The following DDX6 variants were observed in gnomAD, a reference collection of about 807,000 sequenced individuals.
DDX6 encodes the protein probable ATP-dependent RNA helicase DDX6.
A neutral mutation model predicts 60.6 loss-of-function variants in DDX6; 7 were observed. The ratio of observed to expected loss-of-function variants is 0.12; its 90% CI spans 0.07 to 0.22. The LOEUF (loss-of-function observed/expected upper bound fraction) is 0.22. DDX6 is among the 10% of genes least tolerant of loss of function. The probability of loss-of-function intolerance (pLI) is 1.00; values close to 1 mark genes in which losing one functional copy is unlikely to be tolerated. For synonymous variants in DDX6, 207 were observed against 201.0 expected (o/e 1.03, Z -0.25); for missense variants, 270 against 589.9 (o/e 0.46, Z 5.62).
At chr11:118,774,464 C>CT (rs11442846) in intron 4 of DDX6, among the ~76,000 whole-genome samples, 46,484 of 116,500 alleles carry the variant, frequency 0.4, 9,998 homozygotes, top group Admixed American at 0.5. Flanking sequence ...CTCTAACAGT[C>CT]TTTTTTTTTT....
At chr11:118,773,562 ACT>A (rs1462014851) in intron 4 of DDX6, among the ~76,000 whole-genome samples, 4 of 151,972 alleles carry the variant, frequency 2.6e-5, no homozygotes, top group Admixed American at 2.0e-4. Context: ...ACAGAGCGAG[ACT>A]CTGTCTCAAA....
In DDX6 at chr11:118,781,115, A is replaced by C; in HGVS notation, c.264+6T>G. ...TTATTCTACTTGTATTTTACAACCA[A>C]CTTACCGAAGTTTTGATTCTTAGAT... On this transcript the variant is annotated splice_donor_region_variant and intron_variant, in intron 3 of 13. Coordinates refer to ENST00000534980, the MANE Select transcript of DDX6 (RefSeq NM_004397.6). The C allele has an allele frequency of 6.3e-7, 1 of 1,590,074 alleles. No individual in the cohort carries two copies. Among genetic ancestry groups the C allele is most frequent in the Non-Finnish European group, 8.6e-7 (1 of 1,162,758 alleles).
chr11:118,773,576 CAAAAT>C (rs1448558609), intron 4 of DDX6, among the ~76,000 whole-genome samples: 3 of 149,416 alleles, frequency 2.0e-5, no homozygotes, highest in African/African-American at 7.4e-5. Context: ...TGTCTCAAAA[CAAAAT>C]AAAACAAAAC....
At chr11:118,756,466 G>A in intron 10 of DDX6, 143 bp from the exon 11 acceptor site, 1 of 490,268 alleles carries the variant, frequency 2.0e-6, no homozygotes. Flanking sequence ...AAAACCAAAT[G>A]AGTTAAGTTC....
chr11:118,752,107 A>G lies in DDX6; in HGVS notation c.*8-10T>C, dbSNP rs1860795306. ...TGTAATTTGTCAAAGCCTACAGAAG[A>G]AGAGAATACAAAATTAACATTCTGA... On this transcript the variant is annotated splice_polypyrimidine_tract_variant and intron_variant, in intron 13 of 13. Coordinates refer to ENST00000534980, the MANE Select transcript of DDX6 (RefSeq NM_004397.6). 1 of 223,466 alleles carries G rather than the reference A, an allele frequency of 4.5e-6. No homozygotes were observed. The highest frequency in any genetic ancestry group is 5.1e-5 in the South Asian group (1 of 19,654). 13.8% of individuals were successfully genotyped at this position (223,466 alleles called of 1,614,324 possible).
At chr11:118,776,312 C>T (rs1292283423) in intron 4 of DDX6, among the ~76,000 whole-genome samples, 1 of 152,100 alleles carries the variant, frequency 6.6e-6, no homozygotes, top group African/African-American at 2.4e-5. Context: ...TGGTATTATA[C>T]TATTACCTCA....
rs1273910927 is a variant in DDX6, at chr11:118,748,327, C to T, written c.*3778G>A. Reference sequence around the variant, plus strand: ...ACCTTTGGACACTTAACTCTTTACCCCAAAGATGAGTTTTTAGATCAGAAA... The same window carrying T: ...ACCTTTGGACACTTAACTCTTTACCTCAAAGATGAGTTTTTAGATCAGAAA... On this transcript the variant is annotated 3_prime_UTR_variant, in exon 14 of 14. Transcript: ENST00000534980. 3.9e-5 allele frequency: 6 copies of T among 152,082 alleles called. No individual in the cohort carries two copies. Among genetic ancestry groups the T allele is most frequent in the African/African-American group, 1.4e-4 (6 of 41,396 alleles). The allele number at this position is 152,082 out of a possible 1,614,324, so 9.4% of individuals were successfully genotyped here. A position where few individuals can be genotyped will look rare whatever the true frequency, so the allele number is the denominator to read the frequency against.
At chr11:118,754,996 G>A (rs1287110294) in intron 12 of DDX6, 109 bp from the exon 13 acceptor site, 3 of 983,488 alleles carry the variant, frequency 3.1e-6, no homozygotes, top group South Asian at 1.8e-5. Context: ...GATGTTCAGT[G>A]CCATTCTTAG....
rs1860749602 is a variant in DDX6 at position 118,751,076 on chromosome 11, T to TA, written c.*1028dup. On this transcript the variant is annotated 3_prime_UTR_variant, in exon 14 of 14. Transcript: ENST00000534980. ...AAAAATATATATATATGTATATATA[T>TA]ATATATATATGAACCCAGAAAAAAA... 1 of 138,582 alleles carries TA rather than the reference T, an allele frequency of 7.2e-6. No individual in the cohort carries two copies. The highest frequency in any genetic ancestry group is 2.7e-5 in the African/African-American group (1 of 37,188). The allele number at this position is 138,582 out of a possible 1,614,324, so 8.6% of individuals were successfully genotyped here.
chr11:118,763,435 T>G (rs551288999), intron 6 of DDX6, 129 bp from the exon 7 acceptor site: 1 of 720,598 alleles, frequency 1.4e-6, no homozygotes, highest in South Asian at 1.6e-5. Context: ...TGTGATGGTA[T>G]AGCCTACTCC....
intron 4 of DDX6, among the ~76,000 whole-genome samples, chr11:118,777,762 A>G (rs1357389716): frequency 2.0e-5 from 3 of 152,058 alleles, no homozygotes; most frequent in Admixed American, 2.0e-4. Flanking sequence ...GGTAGCACAC[A>G]TCTGTAATTC....
chr11:118,754,478 C>G, intron 13 of DDX6: 1 of 443,506 alleles, frequency 2.3e-6, no homozygotes, highest in Non-Finnish European at 4.0e-6. Flanking sequence ...TTAAGTACTG[C>G]TAATCTACCA....
intron 4 of DDX6, among the ~76,000 whole-genome samples, chr11:118,769,853 C>T (rs1349298682): frequency 6.6e-6 from 1 of 151,978 alleles, no homozygotes; most frequent in East Asian, 1.9e-4. Context: ...TACAGGTGCC[C>T]GCCACCACAC....
rs568244225 is a variant in DDX6, at chr11:118,756,028, C to A, written c.1174+232G>T. On this transcript the variant is annotated intron_variant, in intron 11 of 13. Coordinates refer to ENST00000534980, the MANE Select transcript of DDX6 (RefSeq NM_004397.6). ...GATTCCATCCCCCTCCCCCCCCCCC[C>A]CAAAAAAAAGACAGAGATGAGGTAT... 5.3e-4 allele frequency among the ~76,000 whole-genome samples: 52 copies of A among 97,336 alleles called. 2 individuals are homozygous for A. Among genetic ancestry groups the A allele is most frequent in the East Asian group, 5.1e-3 (12 of 2,336 alleles). The allele number at this position is 97,336 out of a possible 152,430, so 63.9% of individuals were successfully genotyped here. A position where few individuals can be genotyped will look rare whatever the true frequency, so the allele number is the denominator to read the frequency against.
At chr11:118,753,769 T>C (rs1860867086) in intron 13 of DDX6, among the ~76,000 whole-genome samples, 1 of 152,156 alleles carries the variant, frequency 6.6e-6, no homozygotes, top group Non-Finnish European at 1.5e-5. Context: ...TAAAAACATT[T>C]TACATTTTCA....
intron 5 of DDX6, among the ~76,000 whole-genome samples, chr11:118,765,646 G>A (rs1489665031): frequency 3.3e-5 from 5 of 151,934 alleles, no homozygotes; most frequent in African/African-American, 2.4e-5. Flanking sequence ...GTGGTGGCAC[G>A]CACCTGTAGT....
chr11:118,755,288 G>C (rs1555158465), intron 12 of DDX6, 114 bp downstream of exon 12: 1 of 648,576 alleles, frequency 1.5e-6, no homozygotes, highest in African/African-American at 1.8e-5. Flanking sequence ...CTGAATTACT[G>C]TTAATTCACT....
At chr11:118,755,026 A>G (rs1860917842) in intron 12 of DDX6, 139 bp from the exon 13 acceptor site, 3 of 785,330 alleles carry the variant, frequency 3.8e-6, no homozygotes, top group Non-Finnish European at 5.9e-6. Context: ...CAACTTCTTA[A>G]TGGTCTTCAA....
intron 8 of DDX6, among the ~76,000 whole-genome samples, chr11:118,759,640 G>C (rs1861099218): frequency 6.6e-6 from 1 of 152,088 alleles, no homozygotes. Flanking sequence ...TTTGTATATA[G>C]AATAATACCG....
Sources: gnomAD v4.1 joint callset for allele counts (sites outside exome capture counted in the v4.1 genomes callset) on GRCh38, gnomAD v4.1.1 for gene constraint, MANE v1.5 for transcripts, NCBI Gene and HGNC (gene_info 2026-07-23, HGNC 2026-07-21) for gene names.